The following BMPR2 variants were observed in gnomAD, a reference collection of about 807,000 sequenced individuals.
BMPR2 encodes bone morphogenetic protein receptor type-2.
Under a neutral mutation model 100.8 loss-of-function variants are expected in BMPR2, and 29 were observed. That is an observed-to-expected ratio of 0.29 (90% CI 0.21 to 0.39). The LOEUF (loss-of-function observed/expected upper bound fraction) is 0.39. Ranked by LOEUF, BMPR2 falls within the 10% of genes least tolerant of loss-of-function variation. BMPR2 has a pLI of 1.00. For synonymous variants in BMPR2, 382 were observed against 442.3 expected (o/e 0.86, Z 1.71); for missense variants, 1,011 against 1,274.5 (o/e 0.79, Z 3.15).
intron 3 of BMPR2, among the ~76,000 whole-genome samples, chr2:202,484,718 G>C (rs1170181781): frequency 6.6e-6 from 1 of 150,618 alleles, no homozygotes; most frequent in Non-Finnish European, 1.5e-5. Context: ...TGTAATCCCA[G>C]CACTTTGGGA....
rs538836121 is a variant in BMPR2 at position 202,382,063 on chromosome 2, T to G, written c.76+4513T>G. Among the ~76,000 whole-genome samples the G allele has an allele frequency of 3.1e-4, 45 of 147,182 alleles. 1 individual carries two copies. The South Asian group carries it at 7.8e-3, about 26-fold the overall frequency. ...GGATATCAGTTTTTGTTTTTGTTTTTTTTTTTTTTTTTTTGAGATGGAGTC... is the reference window on the plus strand; with the variant it reads ...GGATATCAGTTTTTGTTTTTGTTTTGTTTTTTTTTTTTTTGAGATGGAGTC... On this transcript the variant is annotated intron_variant, in intron 1 of 12. Coordinates refer to ENST00000374580, the MANE Select transcript of BMPR2 (RefSeq NM_001204.7).
intron 1 of BMPR2, among the ~76,000 whole-genome samples, chr2:202,443,646 C>T (rs1412503827): frequency 6.7e-6 from 1 of 150,210 alleles, no homozygotes; most frequent in Non-Finnish European, 1.5e-5. Flanking sequence ...TGACTACAAC[C>T]TCCACCTCCC....
chr2:202,544,820 A>G (rs1574501314), intron 10 of BMPR2, among the ~76,000 whole-genome samples: 1 of 124,282 alleles, frequency 8.0e-6, no homozygotes, highest in Admixed American at 1.1e-4. Flanking sequence ...GCTGGAGTAT[A>G]GTGGTGTGAT....
chr2:202,559,461 TTTCCCTTGCCTTATAAAA>T (rs1267353924), intron 12 of BMPR2, among the ~76,000 whole-genome samples: 6 of 152,190 alleles, frequency 3.9e-5, no homozygotes, highest in African/African-American at 1.4e-4. Context: ...GTGTGTGTGT[TTTCCCTTGCCTTATAAAA>T]TAAGTCAATC....
intron 1 of BMPR2, among the ~76,000 whole-genome samples, chr2:202,416,635 G>A (rs1260912503): frequency 1.3e-5 from 2 of 150,410 alleles, no homozygotes; most frequent in Admixed American, 6.7e-5. Context: ...CGTGTTGGCC[G>A]AGATGGTCTC....
At chr2:202,458,819 A>G (rs781326674) in intron 1 of BMPR2, among the ~76,000 whole-genome samples, 1 of 152,204 alleles carries the variant, frequency 6.6e-6, no homozygotes, top group Non-Finnish European at 1.5e-5. Flanking sequence ...TTCCCTGTGT[A>G]TAAATTGGTT....
chr2:202,450,095 G>A (rs955639918), intron 1 of BMPR2, among the ~76,000 whole-genome samples: 2 of 151,962 alleles, frequency 1.3e-5, no homozygotes, highest in African/African-American at 4.8e-5. Context: ...GGGCAACAGA[G>A]CGAGACTCCG....
At chr2:202,487,996 C>T (rs1330476358) in intron 3 of BMPR2, among the ~76,000 whole-genome samples, 2 of 152,206 alleles carry the variant, frequency 1.3e-5, no homozygotes, top group Non-Finnish European at 2.9e-5. Flanking sequence ...AGGCGTGAGC[C>T]TCCGCATGCC....
At position 202,495,869 on chromosome 2, in the gene BMPR2, A is replaced by G. The variant is rs1693015105; in HGVS notation, c.419-17850A>G. ...CTTTTATAAATTTGAGAATAAAAGCAAAGAATGCTGAGCCTTCAAAAAACT... is the reference window on the plus strand; with the variant it reads ...CTTTTATAAATTTGAGAATAAAAGCGAAGAATGCTGAGCCTTCAAAAAACT... On this transcript the variant is annotated intron_variant, in intron 3 of 12. Transcript: ENST00000374580. The surrounding 1 kb of genome is among the most constrained non-coding windows in gnomAD (Gnocchi z 4.5). Among the ~76,000 whole-genome samples, 1 of 152,260 alleles carries G rather than the reference A, an allele frequency of 6.6e-6. No individual in the cohort carries two copies. Among genetic ancestry groups the G allele is most frequent in the Non-Finnish European group, 1.5e-5 (1 of 68,050 alleles).
intron 1 of BMPR2, among the ~76,000 whole-genome samples, chr2:202,451,516 T>C (rs1020347673): frequency 6.6e-6 from 1 of 151,990 alleles, no homozygotes; most frequent in East Asian, 1.9e-4. Flanking sequence ...CTGGCCAACA[T>C]GGCAAAACCC....
chr2:202,559,919 T>C lies in BMPR2; in HGVS notation c.3090T>C (p.Ser1030=), dbSNP rs949032762. Residue 1030 remains serine (S), a synonymous_variant, in exon 13 of 13, where the codon TCT becomes TCC. Transcript: ENST00000374580. ...GAGGCACTGCTACAACCATGGTGTC[T>C]AAAGATATAGGAATGAACTGTCTGT... The part of the protein sequence containing the change: ...AEGGTATTMV[S]KDIGMNCL 1.9e-6 allele frequency: 3 copies of C among 1,614,106 alleles called. No homozygotes were observed. Among genetic ancestry groups the C allele is most frequent in the Non-Finnish European group, 2.5e-6 (3 of 1,180,014 alleles).
chr2:202,532,525 T>G lies in BMPR2; in HGVS notation c.1129-60T>G. ...GATTTATATATAACTTCTGGTCTAA[T>G]GTCTGTTCTTCAGAATATGCTACGT... On this transcript the variant is annotated intron_variant, in intron 8 of 12. Coordinates refer to ENST00000374580, the MANE Select transcript of BMPR2 (RefSeq NM_001204.7). This position sits in a 1 kb window ranked among gnomAD's most constrained non-coding sequence, Gnocchi z 4.1. The G allele has an allele frequency of 6.4e-7, 1 of 1,571,774 alleles. No homozygotes were observed. The highest frequency in any genetic ancestry group is 8.7e-7 in the Non-Finnish European group (1 of 1,142,990).
chr2:202,478,552 G>C (rs1221906982), intron 3 of BMPR2, among the ~76,000 whole-genome samples: 1 of 151,976 alleles, frequency 6.6e-6, no homozygotes, highest in African/African-American at 2.4e-5. Context: ...GAGCCCAGGA[G>C]TTTAAGGCTA....
intron 9 of BMPR2, among the ~76,000 whole-genome samples, chr2:202,541,182 T>G (rs2106029754): frequency 6.6e-6 from 1 of 152,260 alleles, no homozygotes; most frequent in Non-Finnish European, 1.5e-5. Flanking sequence ...GGTTCACACC[T>G]GTAATCTCAG....
Position 202,498,924 on chromosome 2 carries a change from A to G in BMPR2, c.419-14795A>G, listed in dbSNP as rs563802015. 4.6e-5 allele frequency among the ~76,000 whole-genome samples: 7 copies of G among 152,236 alleles called. No individual in the cohort carries two copies. In the East Asian group the frequency reaches 1.4e-3, roughly 29 times the overall value. ...AATATACAACTATGCAAAGCTTGCA[A>G]TTTACATCCCACAGGAGGACCTCTC... On this transcript the variant is annotated intron_variant, in intron 3 of 12. Coordinates refer to ENST00000374580, the MANE Select transcript of BMPR2 (RefSeq NM_001204.7).
chr2:202,478,334 T>A (rs926638891), intron 3 of BMPR2, among the ~76,000 whole-genome samples: 1 of 152,192 alleles, frequency 6.6e-6, no homozygotes, highest in African/African-American at 2.4e-5. Flanking sequence ...GAGTTAAGTG[T>A]CAATGAGTCA....
intron 3 of BMPR2, among the ~76,000 whole-genome samples, chr2:202,491,378 A>T (rs1330886326): frequency 6.6e-6 from 1 of 151,612 alleles, no homozygotes; most frequent in African/African-American, 2.4e-5. Context: ...TTTATTCCCA[A>T]GCTTTTCTGT....
intron 3 of BMPR2, among the ~76,000 whole-genome samples, chr2:202,511,258 C>T (rs1687618536): frequency 6.6e-6 from 1 of 152,170 alleles, no homozygotes; most frequent in Non-Finnish European, 1.5e-5. Context: ...GAATATTCAA[C>T]CTTTTGTAAA....
At chr2:202,407,693 C>T (rs1044399365) in intron 1 of BMPR2, among the ~76,000 whole-genome samples, 7 of 150,956 alleles carry the variant, frequency 4.6e-5, no homozygotes, top group South Asian at 2.1e-4. Context: ...GGAGTGAACC[C>T]GGGAGGCGGA....
Sources: gnomAD v4.1 joint callset for allele counts (sites outside exome capture counted in the v4.1 genomes callset) on GRCh38, gnomAD v4.1.1 for gene constraint, Gnocchi (gnomAD v3.1) non-coding constraint, MANE v1.5 for transcripts, NCBI Gene and HGNC (gene_info 2026-07-23, HGNC 2026-07-21) for gene names.